Variants in PDZRN4 observed in about 807,000 individuals in gnomAD.
The protein encoded by PDZRN4 is PDZ domain containing ring finger 4.
Under a neutral mutation model 99.0 loss-of-function variants are expected in PDZRN4, and 70 were observed. The observed-to-expected ratio is 0.71, with a 90% CI of 0.58 to 0.86. The LOEUF is 0.86. Ranked by LOEUF, PDZRN4 falls within the 40% of genes least tolerant of loss-of-function variation. PDZRN4 has a pLI of 0.00. For missense variants in PDZRN4, 1,474 were observed against 1,331.2 expected, an observed-to-expected ratio of 1.11 and a Z score of -1.67; for synonymous variants, 551 against 501.6, an observed-to-expected ratio of 1.10 and a Z score of -1.32.
chr12:41,287,637 T>C (rs1393244277), intron 3 of PDZRN4, among the ~76,000 whole-genome samples: 1 of 152,166 alleles, frequency 6.6e-6, no homozygotes, highest in East Asian at 1.9e-4. Context: ...AGAGTGTGTT[T>C]TTAGAGTTAG....
Position 41,188,891 on chromosome 12 carries a change from C to A in PDZRN4, c.436C>A (p.Arg146Ser), listed in dbSNP as rs1289977462. The A allele has an allele frequency of 9.2e-7, 1 of 1,084,856 alleles. No homozygotes were observed. The allele number at this position is 1,084,856 out of a possible 1,614,324, so 67.2% of individuals were successfully genotyped here. A position where few individuals can be genotyped will look rare whatever the true frequency, so the allele number is the denominator to read the frequency against. Residue 146 changes from arginine (R) to serine (S), a missense_variant, in exon 1 of 10, where the codon CGC becomes AGC. Transcript: ENST00000402685. ...CAGGGCTGGCCGGGGCGGGGGCGCG[C>A]GCGGGGGGCCGCCGGGCGGCCGCTG... ...TPRAGRGGGA[R>S]GGPPGGRWGR...
At chr12:41,202,235 T>C (rs1950821485) in intron 3 of PDZRN4, among the ~76,000 whole-genome samples, 1 of 151,984 alleles carries the variant, frequency 6.6e-6, no homozygotes, top group Non-Finnish European at 1.5e-5. Flanking sequence ...CTTGGAATAA[T>C]TACCAGTAGC....
intron 3 of PDZRN4, among the ~76,000 whole-genome samples, chr12:41,488,453 T>C (rs1937819227): frequency 6.6e-6 from 1 of 152,204 alleles, no homozygotes; most frequent in South Asian, 2.1e-4. Context: ...TGAAACACGC[T>C]ATTTGTTGAA....
chr12:41,536,220 G>C (rs1938746296), intron 5 of PDZRN4, among the ~76,000 whole-genome samples: 1 of 152,134 alleles, frequency 6.6e-6, no homozygotes, highest in African/African-American at 2.4e-5. Context: ...AAATGCACTA[G>C]GTTTACCTCT....
intron 3 of PDZRN4, among the ~76,000 whole-genome samples, chr12:41,379,612 CTT>C (rs1485328382): frequency 6.6e-6 from 1 of 151,048 alleles, no homozygotes; most frequent in Non-Finnish European, 1.5e-5. Flanking sequence ...TTAAATATCT[CTT>C]GTTTAGGAGT....
chr12:41,477,611 G>T (rs1214527945), intron 3 of PDZRN4, among the ~76,000 whole-genome samples: 2 of 152,100 alleles, frequency 1.3e-5, no homozygotes, highest in Non-Finnish European at 2.9e-5. Flanking sequence ...TCAGCAAAAG[G>T]TTCTTTTTAC....
chr12:41,317,048 G>GTATATATATATATATATATATATATA (rs33919115), intron 3 of PDZRN4, among the ~76,000 whole-genome samples: 8 of 69,578 alleles, frequency 1.1e-4, no homozygotes, highest in South Asian at 1.1e-3. Context: ...CTTACATAAA[G>GTATATATATATATATATATATATATA]TATATATATA....
intron 3 of PDZRN4, among the ~76,000 whole-genome samples, chr12:41,229,997 C>T (rs1318984936): frequency 6.6e-6 from 1 of 151,972 alleles, no homozygotes; most frequent in East Asian, 1.9e-4. Flanking sequence ...TGACCTGATT[C>T]GTATTGCTGT....
intron 3 of PDZRN4, among the ~76,000 whole-genome samples, chr12:41,475,399 A>G (rs1169741505): frequency 2.0e-5 from 3 of 152,180 alleles, no homozygotes; most frequent in Non-Finnish European, 4.4e-5. Flanking sequence ...TTAACAAAAT[A>G]TTACCTTAGA....
chr12:41,278,488 G>A (rs971078342), intron 3 of PDZRN4, among the ~76,000 whole-genome samples: 4 of 152,164 alleles, frequency 2.6e-5, no homozygotes, highest in African/African-American at 9.7e-5. Context: ...TGAAAGAGCA[G>A]AACTCAATAT....
chr12:41,226,522 G>A (rs1363042399), intron 3 of PDZRN4, among the ~76,000 whole-genome samples: 1 of 151,602 alleles, frequency 6.6e-6, no homozygotes, highest in Non-Finnish European at 1.5e-5. Flanking sequence ...ACAAAGCTTT[G>A]ATTAGATTCC....
At chr12:41,468,829 T>A (rs1377532183) in intron 3 of PDZRN4, among the ~76,000 whole-genome samples, 1 of 152,220 alleles carries the variant, frequency 6.6e-6, no homozygotes, top group African/African-American at 2.4e-5. Context: ...TTTACTCTTT[T>A]GTTTTTTGTC....
At chr12:41,255,226 G>A (rs1951196189) in intron 3 of PDZRN4, among the ~76,000 whole-genome samples, 1 of 151,886 alleles carries the variant, frequency 6.6e-6, no homozygotes, top group Non-Finnish European at 1.5e-5. Flanking sequence ...TGGTGAGGGA[G>A]AAGGCGCAAG....
intron 3 of PDZRN4, among the ~76,000 whole-genome samples, chr12:41,283,599 GA>G (rs1329949245): frequency 1.6e-4 from 25 of 152,172 alleles, no homozygotes; most frequent in African/African-American, 5.3e-4. Flanking sequence ...ACATCAATGC[GA>G]AAATCCTCAA....
At chr12:41,526,251 G>C (rs1266892498) in intron 5 of PDZRN4, among the ~76,000 whole-genome samples, 1 of 152,150 alleles carries the variant, frequency 6.6e-6, no homozygotes, top group Non-Finnish European at 1.5e-5. Context: ...GCTGACCTGT[G>C]GCTCTTGGCA....
At chr12:41,201,984 TG>T (rs1163250347) in intron 3 of PDZRN4, among the ~76,000 whole-genome samples, 1 of 152,170 alleles carries the variant, frequency 6.6e-6, no homozygotes, top group African/African-American at 2.4e-5. Context: ...TGAACAACCC[TG>T]GTAAAGCTGC....
At chr12:41,554,756 C>T (rs1261863416) in intron 6 of PDZRN4, among the ~76,000 whole-genome samples, 1 of 151,978 alleles carries the variant, frequency 6.6e-6, no homozygotes, top group South Asian at 2.1e-4. Flanking sequence ...AGTTAATATA[C>T]TTTACCCCAC....
At chr12:41,348,746 T>C (rs573630996) in intron 3 of PDZRN4, among the ~76,000 whole-genome samples, 1 of 152,138 alleles carries the variant, frequency 6.6e-6, no homozygotes, top group South Asian at 2.1e-4. Context: ...TTTTTTTAAA[T>C]GAAACACCAT....
chr12:41,189,114 G>T lies in PDZRN4; in HGVS notation c.648+11G>T, dbSNP rs770097801. The stretch of plus-strand genomic sequence containing the variant: ...GGCGGCCACCGCAGGGTAAGCAAAG[G>T]GGGGTGGGCACCGCGGGCATGGTCG... On this transcript the variant is annotated intron_variant, in intron 1 of 9. Transcript: ENST00000402685. The T allele has an allele frequency of 3.2e-6, 5 of 1,576,454 alleles. No individual in the cohort carries two copies. The highest frequency in any genetic ancestry group is 1.3e-5 in the African/African-American group (1 of 74,594).
Sources: allele counts gnomAD v4.1 joint callset (sites outside exome capture counted in the v4.1 genomes callset), GRCh38; gene constraint gnomAD v4.1.1; transcripts MANE v1.5; gene names NCBI Gene and HGNC (gene_info 2026-07-23, HGNC 2026-07-21).